Variants in KCNH7 observed in about 807,000 individuals in gnomAD.
KCNH7 encodes the protein potassium voltage-gated channel subfamily H member 7, also known as voltage-gated inwardly rectifying potassium channel KCNH7.
In KCNH7, 49 loss-of-function variants were observed where a neutral mutation model predicts 120.8. That is an observed-to-expected ratio of 0.41 (90% confidence interval 0.32 to 0.51). KCNH7 has a LOEUF of 0.51. KCNH7 is among the 20% of genes least tolerant of loss of function. The pLI, the probability that KCNH7 is intolerant of heterozygous loss-of-function variation, is 0.38. For missense variants in KCNH7, 1,097 were observed against 1,446.6 expected, an observed-to-expected ratio of 0.76 and a Z score of 3.92; for synonymous variants, 547 against 516.1, an observed-to-expected ratio of 1.06 and a Z score of -0.81.
At position 162,400,341 on chromosome 2, in the gene KCNH7, C is replaced by T; in HGVS notation, c.2255G>A (p.Gly752Asp). The T allele has an allele frequency of 6.2e-7, 1 of 1,612,502 alleles. No homozygotes were observed. ...NCKAFRGASK[G>D]CLRALAMKFK... ...CTTCATTGCCAAAGCTCTAAGGCAA[C>T]CTTTACTTGCCCCCCGAAAGGCTTT... is the stretch of plus-strand genomic sequence containing the variant. The change falls in exon 10 of 16, where the codon GGT becomes GAT. Residue 752 changes from glycine (G) to aspartate (D), a missense_variant. Physicochemically the swap from Gly to Asp is moderately conservative, Grantham distance 94. Coordinates refer to ENST00000332142, the MANE Select transcript of KCNH7 (RefSeq NM_033272.4).
At chr2:162,801,003 A>G (rs1251487914) in intron 2 of KCNH7, among the ~76,000 whole-genome samples, 1 of 151,964 alleles carries the variant, frequency 6.6e-6, no homozygotes, top group South Asian at 2.1e-4. Flanking sequence ...ACATACAAAT[A>G]TTGACATTTA....
intron 2 of KCNH7, among the ~76,000 whole-genome samples, chr2:162,769,512 G>A (rs1286328022): frequency 6.6e-6 from 1 of 151,792 alleles, no homozygotes; most frequent in African/African-American, 2.4e-5. Flanking sequence ...TATTGCAACC[G>A]GCTTATAACA....
chr2:162,673,419 A>G (rs116129179), intron 2 of KCNH7, among the ~76,000 whole-genome samples: 86 of 152,176 alleles, frequency 5.7e-4, no homozygotes, highest in African/African-American at 2.1e-3. Flanking sequence ...TCCACCACAT[A>G]TCAGATTGTA....
chr2:162,380,105 G>GA, intron 13 of KCNH7, 84 bp from the exon 14 acceptor site: 1 of 1,490,202 alleles, frequency 6.7e-7, no homozygotes, highest in Non-Finnish European at 9.2e-7. Flanking sequence ...AGACAAGCTG[G>GA]AAAGGATCGG....
rs192197877 is a variant in KCNH7, at chr2:162,811,428, A to G, written c.307+25109T>C. 4.6e-5 allele frequency among the ~76,000 whole-genome samples: 7 copies of G among 152,240 alleles called. No individual in the cohort carries two copies. The East Asian group carries it at 1.2e-3, about 25-fold the overall frequency. ...ATCGTGTTTGCCAAAGGTTTCCATG[A>G]GCCATCTAGTTTCCTCCTTCTGGCA... On this transcript the variant is annotated intron_variant, in intron 2 of 15. Coordinates refer to ENST00000332142, the MANE Select transcript of KCNH7 (RefSeq NM_033272.4).
intron 2 of KCNH7, among the ~76,000 whole-genome samples, chr2:162,684,492 C>A (rs895556881): frequency 7.9e-5 from 12 of 152,110 alleles, no homozygotes; most frequent in African/African-American, 2.6e-4. Flanking sequence ...AGAACTTAAA[C>A]AAATTTACAA....
intron 2 of KCNH7, among the ~76,000 whole-genome samples, chr2:162,638,283 G>C (rs1435243873): frequency 6.6e-6 from 1 of 151,948 alleles, no homozygotes; most frequent in African/African-American, 2.4e-5. Flanking sequence ...CTTGGGAAAG[G>C]ATTTTTACTT....
chr2:162,756,169 T>G (rs753394130), intron 2 of KCNH7, among the ~76,000 whole-genome samples: 36 of 152,190 alleles, frequency 2.4e-4, no homozygotes, highest in Non-Finnish European at 4.4e-4. Flanking sequence ...CTGATATAAT[T>G]GTATAAATCT....
chr2:162,469,864 G>C (rs187764768), intron 6 of KCNH7, among the ~76,000 whole-genome samples: 1 of 152,032 alleles, frequency 6.6e-6, no homozygotes, highest in African/African-American at 2.4e-5. Context: ...GCGCCGCCAC[G>C]CCTGACTGGT....
At chr2:162,679,088 G>A (rs1258252285) in intron 2 of KCNH7, among the ~76,000 whole-genome samples, 1 of 151,572 alleles carries the variant, frequency 6.6e-6, no homozygotes, top group East Asian at 1.9e-4. Context: ...AGAGCAGCAT[G>A]TTATCCTGGA....
intron 2 of KCNH7, among the ~76,000 whole-genome samples, chr2:162,541,637 G>A (rs1692305467): frequency 6.6e-6 from 1 of 152,102 alleles, no homozygotes; most frequent in Non-Finnish European, 1.5e-5. Context: ...GGAGCAGAAT[G>A]ATGAGAACAC....
chr2:162,824,120 C>G (rs910095781), intron 2 of KCNH7, among the ~76,000 whole-genome samples: 1 of 152,004 alleles, frequency 6.6e-6, no homozygotes, highest in Non-Finnish European at 1.5e-5. Context: ...AGATTAATAA[C>G]AAAAAGTATT....
chr2:162,492,865 G>GTTTTT (rs67006443), intron 6 of KCNH7, among the ~76,000 whole-genome samples: 6 of 57,204 alleles, frequency 1.0e-4, no homozygotes, highest in Admixed American at 2.1e-4. Flanking sequence ...CTTGGATCTT[G>GTTTTT]TTTTTTTTTT....
intron 2 of KCNH7, among the ~76,000 whole-genome samples, chr2:162,541,375 C>T (rs1349983589): frequency 6.6e-6 from 1 of 151,916 alleles, no homozygotes; most frequent in Non-Finnish European, 1.5e-5. Context: ...TGGGTAGGAG[C>T]AGATGGTGAG....
At chr2:162,759,249 A>C (rs547858460) in intron 2 of KCNH7, among the ~76,000 whole-genome samples, 1 of 152,168 alleles carries the variant, frequency 6.6e-6, no homozygotes, top group Admixed American at 6.6e-5. Flanking sequence ...CAGAGGAGTA[A>C]ATTGGATTGT....
intron 2 of KCNH7, among the ~76,000 whole-genome samples, chr2:162,767,360 A>C (rs200792850): frequency 6.6e-6 from 1 of 152,144 alleles, no homozygotes; most frequent in East Asian, 1.9e-4. Context: ...ACCAATTTAC[A>C]TTTCCACAAA....
At chr2:162,638,828 T>C (rs1209529018) in intron 2 of KCNH7, among the ~76,000 whole-genome samples, 1 of 152,058 alleles carries the variant, frequency 6.6e-6, no homozygotes. Context: ...CTAGAGAAAG[T>C]AGGTTTAGTC....
intron 9 of KCNH7, among the ~76,000 whole-genome samples, chr2:162,402,663 A>G (rs1359788177): frequency 1.3e-5 from 2 of 151,792 alleles, no homozygotes; most frequent in Non-Finnish European, 2.9e-5. Context: ...TAGATTTCAC[A>G]TGAAGAAGAT....
intron 2 of KCNH7, 95 bp downstream of exon 2, chr2:162,836,442 G>T: frequency 2.3e-6 from 2 of 870,694 alleles, no homozygotes; most frequent in Non-Finnish European, 3.6e-6. Context: ...ATCTACAATT[G>T]AACATTTTGG....
Sources: gnomAD v4.1 joint callset for allele counts (sites outside exome capture counted in the v4.1 genomes callset) on GRCh38, gnomAD v4.1.1 for gene constraint, MANE v1.5 for transcripts, NCBI Gene and HGNC (gene_info 2026-07-23, HGNC 2026-07-21) for gene names.